NOVA1: variants seen among roughly 807,000 people sequenced by gnomAD.
The protein encoded by NOVA1 is RNA-binding protein Nova-1.
NOVA1 carries 7 observed loss-of-function variants against 38.0 expected under a neutral mutation model. The ratio of observed to expected loss-of-function variants is 0.18; its 90% CI spans 0.10 to 0.35. NOVA1 has a LOEUF of 0.35. NOVA1 is among the 10% of genes least tolerant of loss of function. The probability of loss-of-function intolerance (pLI) is 1.00; values close to 1 mark genes in which losing one functional copy is unlikely to be tolerated. For synonymous variants in NOVA1, 270 were observed against 232.5 expected (o/e 1.16, Z -1.47); for missense variants, 460 against 616.0 (o/e 0.75, Z 2.68).
chr14:26,517,824 G>T (rs1269330417), intron 2 of NOVA1, among the ~76,000 whole-genome samples: 1 of 152,032 alleles, frequency 6.6e-6, no homozygotes, highest in East Asian at 1.9e-4. Flanking sequence ...GACATCCTTT[G>T]AACCACAAGA....
intron 2 of NOVA1, among the ~76,000 whole-genome samples, chr14:26,548,147 CA>C (rs60721750): frequency 0.29 from 44,066 of 151,770 alleles, 6,950 homozygotes; most frequent in African/African-American, 0.41. Flanking sequence ...AAAACATTAT[CA>C]CTCAGCATTT....
intron 2 of NOVA1, among the ~76,000 whole-genome samples, chr14:26,582,939 C>T (rs1176168778): frequency 7.3e-5 from 11 of 151,720 alleles, no homozygotes; most frequent in Non-Finnish European, 7.4e-5. Context: ...CCACATATGG[C>T]ATATCTAGCT....
intron 2 of NOVA1, among the ~76,000 whole-genome samples, chr14:26,586,487 T>C (rs1893520023): frequency 1.3e-5 from 2 of 151,296 alleles, no homozygotes; most frequent in South Asian, 4.2e-4. Flanking sequence ...ACACTATACT[T>C]ACAGGAGTTT....
At chr14:26,577,453 G>C (rs1442472400) in intron 2 of NOVA1, among the ~76,000 whole-genome samples, 2 of 151,598 alleles carry the variant, frequency 1.3e-5, no homozygotes, top group African/African-American at 4.8e-5. Flanking sequence ...ACTTTTTTTT[G>C]TCATTCACCA....
At chr14:26,582,399 G>A (rs1195061189) in intron 2 of NOVA1, among the ~76,000 whole-genome samples, 3 of 151,716 alleles carry the variant, frequency 2.0e-5, no homozygotes, top group African/African-American at 7.3e-5. Flanking sequence ...ATGTCCATGA[G>A]AACTGGAATA....
At position 26,479,441 on chromosome 14, in the gene NOVA1, A is replaced by G. The variant is rs1885252272; in HGVS notation, c.447+536T>C. The G allele has an allele frequency of 2.0e-5, 3 of 152,204 alleles. No individual in the cohort carries two copies. The South Asian group carries it at 6.2e-4, about 31-fold the overall frequency. 9.4% of individuals were successfully genotyped at this position (152,204 alleles called of 1,614,324 possible). On this transcript the variant is annotated intron_variant, in intron 3 of 4. Transcript: ENST00000539517. ...TATGACATATGTTTAAATACTACAT[A>G]AGTTACACAAAACACAGTAACTGAT...
At chr14:26,522,312 T>C (rs1888957997) in intron 2 of NOVA1, among the ~76,000 whole-genome samples, 1 of 152,154 alleles carries the variant, frequency 6.6e-6, no homozygotes, top group Non-Finnish European at 1.5e-5. Flanking sequence ...GTCTGAAATA[T>C]GCTGCTGGAA....
At chr14:26,529,732 G>GT (rs1889565745) in intron 2 of NOVA1, among the ~76,000 whole-genome samples, 1 of 152,072 alleles carries the variant, frequency 6.6e-6, no homozygotes, top group African/African-American at 2.4e-5. Flanking sequence ...AGGGTATAGT[G>GT]GCACACTATA....
chr14:26,485,911 C>T (rs1295309318), intron 2 of NOVA1, among the ~76,000 whole-genome samples: 1 of 152,046 alleles, frequency 6.6e-6, no homozygotes, highest in African/African-American at 2.4e-5. Flanking sequence ...TTTATTAACA[C>T]TTCTATGACA....
At chr14:26,472,951 A>T (rs1012475610) in intron 3 of NOVA1, among the ~76,000 whole-genome samples, 2 of 151,966 alleles carry the variant, frequency 1.3e-5, no homozygotes, top group African/African-American at 4.8e-5. Flanking sequence ...TTAATATCAC[A>T]TTATCTTCTA....
chr14:26,571,245 C>T (rs568097500), intron 2 of NOVA1, among the ~76,000 whole-genome samples: 4 of 151,874 alleles, frequency 2.6e-5, no homozygotes, highest in Non-Finnish European at 4.4e-5. Flanking sequence ...AGTGTCCTCA[C>T]GTTCTAAAAA....
At chr14:26,570,862 G>A (rs1892432362) in intron 2 of NOVA1, among the ~76,000 whole-genome samples, 1 of 151,872 alleles carries the variant, frequency 6.6e-6, no homozygotes, top group Non-Finnish European at 1.5e-5. Context: ...TTAAGTTTAA[G>A]GTATATCTGT....
rs889514487 is a variant in NOVA1, at chr14:26,485,421, G to A, written c.281-5278C>T. ...ATAATTTATCATTTAAAAAGGGCAC[G>A]TGGTAAAAGTTTTTTGAGACAGGTA... is the stretch of plus-strand genomic sequence containing the variant. On this transcript the variant is annotated intron_variant, in intron 2 of 4. Transcript: ENST00000539517. Among the ~76,000 whole-genome samples, 7 of 152,130 alleles carry A rather than the reference G, an allele frequency of 4.6e-5. 1 individual carries two copies. The South Asian group carries it at 6.2e-4, about 14-fold the overall frequency.
At chr14:26,479,089 A>G (rs556328455) in intron 3 of NOVA1, 2 of 152,132 alleles carry the variant, frequency 1.3e-5, no homozygotes, top group South Asian at 4.1e-4. Context: ...TACAATGAAC[A>G]TGAGTATTCT....
At chr14:26,596,984 C>A in intron 1 of NOVA1, 1 of 1,232,690 alleles carries the variant, frequency 8.1e-7, no homozygotes, top group South Asian at 2.1e-5. Context: ...CTGAATGGAC[C>A]TTCTTGCCCA....
rs1334707795 is a variant in NOVA1 at position 26,461,678 on chromosome 14, G to A, written c.519+10642C>T. Reference sequence around the variant, plus strand: ...GCTTGGTGGCTCATGCCTGTAATCCGAGCACTTTGGGAGGCTGAGGCGGGC... The same window carrying A: ...GCTTGGTGGCTCATGCCTGTAATCCAAGCACTTTGGGAGGCTGAGGCGGGC... On this transcript the variant is annotated intron_variant, in intron 4 of 4. Transcript: ENST00000539517. Among the ~76,000 whole-genome samples the A allele has an allele frequency of 3.3e-5, 5 of 150,334 alleles. No individual in the cohort carries two copies. In the South Asian group the frequency reaches 6.3e-4, roughly 19 times the overall value.
At chr14:26,501,457 G>C (rs988666790) in intron 2 of NOVA1, among the ~76,000 whole-genome samples, 17 of 151,842 alleles carry the variant, frequency 1.1e-4, no homozygotes, top group Non-Finnish European at 1.8e-4. Context: ...CTGGTATACA[G>C]ACAAGCTATT....
At chr14:26,557,996 GAAA>G (rs529682143) in intron 2 of NOVA1, among the ~76,000 whole-genome samples, 1 of 126,916 alleles carries the variant, frequency 7.9e-6, no homozygotes, top group African/African-American at 2.9e-5. Context: ...CTTGTTAAAT[GAAA>G]AAAAAAAAAA....
intron 4 of NOVA1, among the ~76,000 whole-genome samples, chr14:26,451,873 T>C (rs1427101208): frequency 6.6e-6 from 1 of 152,156 alleles, no homozygotes; most frequent in African/African-American, 2.4e-5. Flanking sequence ...AACAAATCTG[T>C]CAACCACAAT....
Sources: gnomAD v4.1 joint callset for allele counts (sites outside exome capture counted in the v4.1 genomes callset) on GRCh38, gnomAD v4.1.1 for gene constraint, MANE v1.5 for transcripts, NCBI Gene and HGNC (gene_info 2026-07-23, HGNC 2026-07-21) for gene names.